IFT52: variants seen among roughly 807,000 people sequenced by gnomAD.
IFT52 encodes the protein intraflagellar transport protein 52 homolog.
Under a neutral mutation model 54.4 loss-of-function variants are expected in IFT52, and 44 were observed. The ratio of observed to expected loss-of-function variants is 0.81; its 90% CI spans 0.63 to 1.04. IFT52 has a LOEUF of 1.04. Ranked by LOEUF, IFT52 falls within the 50% of genes least tolerant of loss-of-function variation. The pLI is 0.00. For missense variants in IFT52, 452 were observed against 523.6 expected (o/e 0.86, Z 1.33); for synonymous variants, 181 against 185.3 (o/e 0.98, Z 0.19).
chr20:43,597,723 A>G (rs1239529424), intron 3 of IFT52, among the ~76,000 whole-genome samples: 2 of 151,996 alleles, frequency 1.3e-5, no homozygotes. Flanking sequence ...GTGAAACCTC[A>G]TCTCTACTAA....
chr20:43,613,002 C>T (rs1983578094), intron 6 of IFT52, among the ~76,000 whole-genome samples: 1 of 152,200 alleles, frequency 6.6e-6, no homozygotes, highest in Non-Finnish European at 1.5e-5. Context: ...CTCTATCCCA[C>T]ACCCTCTCCA....
chr20:43,637,548 C>T (rs1985632536), intron 12 of IFT52, among the ~76,000 whole-genome samples: 1 of 152,198 alleles, frequency 6.6e-6, no homozygotes, highest in South Asian at 2.1e-4. Flanking sequence ...CAGGCGTGAG[C>T]CACCATGCCT....
rs560672376 is a variant in IFT52, at chr20:43,633,156, C to G, written c.924-2770C>G. ...GTTGGGAGTTCGAGACCAGCCTGAC[C>G]AACATAGAGAACCCCCGTCTCTACT... On this transcript the variant is annotated intron_variant, in intron 10 of 13. Coordinates refer to ENST00000373030, the MANE Select transcript of IFT52 (RefSeq NM_016004.5). 7.0e-4 allele frequency among the ~76,000 whole-genome samples: 106 copies of G among 151,830 alleles called. 1 individual carries two copies. Among genetic ancestry groups the G allele is most frequent in the African/African-American group, 2.4e-3 (98 of 41,382 alleles).
chr20:43,637,464 T>C (rs1985622326), intron 12 of IFT52, among the ~76,000 whole-genome samples: 3 of 152,186 alleles, frequency 2.0e-5, no homozygotes, highest in Non-Finnish European at 4.4e-5. Flanking sequence ...GGTTTCATCA[T>C]ATTGGTCAGG....
intron 3 of IFT52, among the ~76,000 whole-genome samples, chr20:43,601,837 CTGT>C (rs1272008336): frequency 6.6e-6 from 1 of 152,184 alleles, no homozygotes; most frequent in Non-Finnish European, 1.5e-5. Flanking sequence ...GAGATTCAGT[CTGT>C]TGTTCAGGGT....
chr20:43,608,061 C>G (rs2145608760), intron 6 of IFT52, among the ~76,000 whole-genome samples: 1 of 151,890 alleles, frequency 6.6e-6, no homozygotes, highest in East Asian at 1.9e-4. Flanking sequence ...GGCAGGAAAT[C>G]AGGCAGGGAG....
At position 43,598,365 on chromosome 20, in the gene IFT52, G is replaced by A. The variant is rs181005710; in HGVS notation, c.207+1843G>A. Among the ~76,000 whole-genome samples, 402 of 152,258 alleles carry A rather than the reference G, an allele frequency of 2.6e-3. 5 individuals are homozygous for A. Among genetic ancestry groups the A allele is most frequent in the Middle Eastern group, 0.014 (4 of 294 alleles). On this transcript the variant is annotated intron_variant, in intron 3 of 13. Coordinates refer to ENST00000373030, the MANE Select transcript of IFT52 (RefSeq NM_016004.5). ...AGTTTTGCAAGATGAAAACAGTTCTGCAGATTGATTGCCTAACAGTGTGAG... is the reference window on the plus strand; with the variant it reads ...AGTTTTGCAAGATGAAAACAGTTCTACAGATTGATTGCCTAACAGTGTGAG...
At chr20:43,596,713 C>A (rs1266684465) in intron 3 of IFT52, among the ~76,000 whole-genome samples, 191 bp downstream of exon 3, 1 of 149,742 alleles carries the variant, frequency 6.7e-6, no homozygotes, top group Non-Finnish European at 1.5e-5. Context: ...ATAGTGTGGG[C>A]CAATTAAATA....
rs1014593976 is a variant in IFT52, at chr20:43,627,890, A to T, written c.923+3845A>T. Reference sequence around the variant, plus strand: ...CCTGGCCTTCGCTTTTATTTTTATTATGTCATATATATATAGAGAGAGAGA... The same window carrying T: ...CCTGGCCTTCGCTTTTATTTTTATTTTGTCATATATATATAGAGAGAGAGA... On this transcript the variant is annotated intron_variant, in intron 10 of 13. Transcript: ENST00000373030. Among the ~76,000 whole-genome samples the T allele has an allele frequency of 1.2e-4, 12 of 101,852 alleles. No individual in the cohort carries two copies. The South Asian group carries it at 3.8e-3, about 32-fold the overall frequency. 66.8% of individuals were successfully genotyped at this position (101,852 alleles called of 152,430 possible).
chr20:43,634,479 A>C (rs1358652600), intron 10 of IFT52, among the ~76,000 whole-genome samples: 1 of 152,188 alleles, frequency 6.6e-6, no homozygotes, highest in Non-Finnish European at 1.5e-5. Context: ...AACTTCCATG[A>C]AATTAAATTC....
chr20:43,603,811 C>CT lies in IFT52; in HGVS notation c.260dup (p.Gly88ArgfsTer9), dbSNP rs772053080. On this transcript the variant is annotated frameshift_variant, in exon 4 of 14. Coordinates refer to ENST00000373030, the MANE Select transcript of IFT52 (RefSeq NM_016004.5). LOFTEE classifies it high-confidence loss of function. The stretch of plus-strand genomic sequence containing the variant: ...CACTGGTGGAGATGTCTTTGTGATG[C>CT]TAGGAGAAGGTGGAGAATCCAGATT... 1 of 1,606,274 alleles carries CT rather than the reference C, an allele frequency of 6.2e-7. No homozygotes were observed. Among genetic ancestry groups the CT allele is most frequent in the South Asian group, 1.1e-5 (1 of 90,266 alleles).
At chr20:43,620,049 T>A (rs557286467) in intron 8 of IFT52, among the ~76,000 whole-genome samples, 2 of 150,640 alleles carry the variant, frequency 1.3e-5, no homozygotes, top group East Asian at 4.0e-4. Context: ...CCTGAGTAGC[T>A]GGGATTATAG....
chr20:43,635,789 G>A (rs1247677469), intron 10 of IFT52, 137 bp from the exon 11 acceptor site: 12 of 680,226 alleles, frequency 1.8e-5, no homozygotes, highest in Non-Finnish European at 3.1e-5. Flanking sequence ...CCCAGTAATG[G>A]GATTGCTGGG....
intron 7 of IFT52, among the ~76,000 whole-genome samples, chr20:43,615,343 C>T (rs976145514): frequency 6.6e-6 from 1 of 152,140 alleles, no homozygotes; most frequent in Admixed American, 6.5e-5. Context: ...GTGCCCAGCC[C>T]CCACTGCGTT....
chr20:43,594,780 A>C lies in IFT52; in HGVS notation c.82A>C (p.Met28Leu). The C allele has an allele frequency of 6.2e-7, 1 of 1,611,736 alleles. No individual in the cohort carries two copies. The highest frequency in any genetic ancestry group is 8.5e-7 in the Non-Finnish European group (1 of 1,177,834). Reference sequence around the variant, plus strand: ...TACCACCAACAATGGCTACAAATCCATGCAGAAAAAACTTCGGAGTAATTG... The same window carrying C: ...TACCACCAACAATGGCTACAAATCCCTGCAGAAAAAACTTCGGAGTAATTG... ...IFTTNNGYKS[M>L]QKKLRSNWKI... Residue 28 changes from methionine to leucine, a missense_variant, in exon 2 of 14, where the codon ATG (methionine) becomes CTG (leucine). Met to Leu is a conservative substitution (Grantham distance 15). Coordinates refer to ENST00000373030, the MANE Select transcript of IFT52 (RefSeq NM_016004.5).
At position 43,632,732 on chromosome 20, in the gene IFT52, G is replaced by A. The variant is rs1326931816; in HGVS notation, c.924-3194G>A. 3.9e-5 allele frequency among the ~76,000 whole-genome samples: 6 copies of A among 152,166 alleles called. No homozygotes were observed. The South Asian group carries it at 6.2e-4, about 16-fold the overall frequency. Reference sequence around the variant, plus strand: ...CAGTAATTATTTGTTGAGTGAGCACGCAGAAGTGCATATCATACAGATCTG... The same window carrying A: ...CAGTAATTATTTGTTGAGTGAGCACACAGAAGTGCATATCATACAGATCTG... On this transcript the variant is annotated intron_variant, in intron 10 of 13. Transcript: ENST00000373030.
chr20:43,597,138 G>A (rs1271344563), intron 3 of IFT52, among the ~76,000 whole-genome samples: 3 of 151,842 alleles, frequency 2.0e-5, no homozygotes, highest in African/African-American at 4.8e-5. Flanking sequence ...TTGGGAGGCC[G>A]AGGCAGGCAG....
intron 3 of IFT52, among the ~76,000 whole-genome samples, chr20:43,597,318 C>T (rs1398491708): frequency 1.3e-5 from 2 of 149,128 alleles, no homozygotes; most frequent in African/African-American, 2.5e-5. Flanking sequence ...TTGCTGTGTG[C>T]CAAGATCGCG....
intron 7 of IFT52, among the ~76,000 whole-genome samples, chr20:43,617,234 T>C (rs1358628745): frequency 1.3e-5 from 2 of 152,228 alleles, no homozygotes; most frequent in Non-Finnish European, 2.9e-5. Flanking sequence ...TCAGACTGCT[T>C]TTGTTGCATA....
Sources: allele counts gnomAD v4.1 joint callset (sites outside exome capture counted in the v4.1 genomes callset), GRCh38; gene constraint gnomAD v4.1.1; transcripts MANE v1.5; gene names NCBI Gene and HGNC (gene_info 2026-07-23, HGNC 2026-07-21).